The following IL1RAPL1 variants were observed in gnomAD, a reference collection of about 807,000 sequenced individuals.
IL1RAPL1 encodes the protein interleukin 1 receptor accessory protein like 1, also known as interleukin-1 receptor accessory protein-like 1.
A neutral mutation model predicts 48.4 loss-of-function variants in IL1RAPL1; 3 were observed. That is an observed-to-expected ratio of 0.06 (90% CI 0.03 to 0.16). The LOEUF (loss-of-function observed/expected upper bound fraction) is 0.16, where lower values mean the gene tolerates loss of function less well. IL1RAPL1 is among the 10% of genes least tolerant of loss of function. The pLI is 1.00. For synonymous variants in IL1RAPL1, 185 were observed against 187.7 expected (o/e 0.99, Z 0.12); for missense variants, 349 against 530.6 (o/e 0.66, Z 3.36).
At chrX:29,932,382 G>A (rs1027846328) in intron 8 of IL1RAPL1, among the ~76,000 whole-genome samples, 7 of 112,121 alleles carry the variant, frequency 6.2e-5, no homozygotes, top group African/African-American at 1.3e-4. Context: ...CTAACTTTGC[G>A]AAACCTGGTT....
chrX:29,123,180 C>A (rs993437749), intron 2 of IL1RAPL1, among the ~76,000 whole-genome samples: 1 of 109,868 alleles, frequency 9.1e-6, no homozygotes, highest in Non-Finnish European at 1.9e-5. Flanking sequence ...CAAGTGCCTG[C>A]CCCCACACCC....
At chrX:29,773,507 C>G (rs749773028) in intron 6 of IL1RAPL1, among the ~76,000 whole-genome samples, 1 of 112,408 alleles carries the variant, frequency 8.9e-6, no homozygotes, top group Non-Finnish European at 1.9e-5. Flanking sequence ...CAACTACATA[C>G]GAAAGAGTTT....
intron 2 of IL1RAPL1, among the ~76,000 whole-genome samples, chrX:28,845,970 A>G (rs2147294319): frequency 8.9e-6 from 1 of 112,008 alleles, no homozygotes; most frequent in African/African-American, 3.2e-5. Context: ...AGTTTTCACT[A>G]GAATTCACTC....
chrX:29,309,810 A>T (rs1353416937), intron 3 of IL1RAPL1, among the ~76,000 whole-genome samples: 3 of 96,739 alleles, frequency 3.1e-5, no homozygotes, highest in African/African-American at 1.2e-4. Flanking sequence ...CTAAAAAAAA[A>T]ACTGGCCAGG....
chrX:29,176,985 T>G (rs2147517518), intron 2 of IL1RAPL1, among the ~76,000 whole-genome samples: 1 of 111,595 alleles, frequency 9.0e-6, no homozygotes, highest in East Asian at 2.8e-4. Context: ...TGATACTTCC[T>G]GACTCATCAG....
At chrX:29,881,470 A>C (rs1028490071) in intron 6 of IL1RAPL1, among the ~76,000 whole-genome samples, 2 of 110,906 alleles carry the variant, frequency 1.8e-5, no homozygotes, top group Non-Finnish European at 3.8e-5. Flanking sequence ...GTTTTACCTT[A>C]CCTTTTGCTA....
chrX:29,268,585 C>T (rs1217253888), intron 2 of IL1RAPL1, among the ~76,000 whole-genome samples: 2 of 112,221 alleles, frequency 1.8e-5, no homozygotes, highest in East Asian at 2.8e-4. Flanking sequence ...AGCCACCACA[C>T]AGCCTTGGTT....
intron 2 of IL1RAPL1, among the ~76,000 whole-genome samples, chrX:29,262,268 A>G (rs190637770): frequency 3.4e-4 from 38 of 112,416 alleles, no homozygotes; most frequent in Admixed American, 1.2e-3. Context: ...GAGTGAAATA[A>G]TGAGTTTATT....
At chrX:29,100,137 G>A (rs958603464) in intron 2 of IL1RAPL1, among the ~76,000 whole-genome samples, 5 of 111,250 alleles carry the variant, frequency 4.5e-5, no homozygotes, top group African/African-American at 9.8e-5. Flanking sequence ...ACTTGAACCC[G>A]GGAGGTGGAG....
At chrX:29,832,687 T>A (rs1161053382) in intron 6 of IL1RAPL1, among the ~76,000 whole-genome samples, 1 of 106,389 alleles carries the variant, frequency 9.4e-6, no homozygotes, top group Admixed American at 1.0e-4. Flanking sequence ...CCTCTGTAAA[T>A]GCTGTTTTTT....
chrX:28,910,597 T>G (rs1221647669), intron 2 of IL1RAPL1, among the ~76,000 whole-genome samples: 1 of 108,238 alleles, frequency 9.2e-6, no homozygotes, highest in Non-Finnish European at 1.9e-5. Flanking sequence ...AAAAAAAACG[T>G]TTTGTAAAGC....
At chrX:28,680,610 T>C (rs137993112) in intron 1 of IL1RAPL1, among the ~76,000 whole-genome samples, 2 of 111,813 alleles carry the variant, frequency 1.8e-5, no homozygotes, top group African/African-American at 6.5e-5. Flanking sequence ...GTCTTTATTA[T>C]GTTGAAGTCA....
chrX:29,634,392 A>G (rs1227658172), intron 5 of IL1RAPL1, among the ~76,000 whole-genome samples: 1 of 111,911 alleles, frequency 8.9e-6, no homozygotes, highest in Non-Finnish European at 1.9e-5. Context: ...GAGAGGAGTC[A>G]AAGTGGCTCT....
At chrX:29,428,271 G>C (rs1408389110) in intron 5 of IL1RAPL1, among the ~76,000 whole-genome samples, 1 of 112,139 alleles carries the variant, frequency 8.9e-6, no homozygotes, top group East Asian at 2.8e-4. Context: ...ACTCTAGTAA[G>C]TATGTGGTTT....
chrX:29,891,707 C>T (rs1932278041), intron 6 of IL1RAPL1, among the ~76,000 whole-genome samples: 1 of 111,285 alleles, frequency 9.0e-6, no homozygotes, highest in Non-Finnish European at 1.9e-5. Flanking sequence ...TGATGAATTG[C>T]AACACCTAGG....
chrX:28,712,246 T>C (rs1295159104), intron 1 of IL1RAPL1, among the ~76,000 whole-genome samples: 12 of 111,140 alleles, frequency 1.1e-4, no homozygotes, highest in African/African-American at 3.9e-4. Flanking sequence ...AGGCTGTCAT[T>C]AGGAAGATTG....
intron 1 of IL1RAPL1, among the ~76,000 whole-genome samples, chrX:28,696,102 A>T (rs987790959): frequency 1.3e-4 from 14 of 111,726 alleles, no homozygotes; most frequent in Admixed American, 7.6e-4. Flanking sequence ...ATTTATCGCT[A>T]TGTAATTATA....
intron 3 of IL1RAPL1, among the ~76,000 whole-genome samples, chrX:29,333,978 AC>A (rs1191378866): frequency 7.9e-5 from 2 of 25,280 alleles, no homozygotes; most frequent in African/African-American, 1.7e-4. Flanking sequence ...CGGGGGGCTG[AC>A]CCCCCCACCT....
chrX:29,039,775 T>C (rs1255289892), intron 2 of IL1RAPL1, among the ~76,000 whole-genome samples: 1 of 43,089 alleles, frequency 2.3e-5, no homozygotes, highest in Admixed American at 3.7e-4. Flanking sequence ...GTCCAAGAAG[T>C]AACAATCCTC....
Sources: gnomAD v4.1 joint callset for allele counts (sites outside exome capture counted in the v4.1 genomes callset) on GRCh38, gnomAD v4.1.1 for gene constraint, MANE v1.5 for transcripts, NCBI Gene and HGNC (gene_info 2026-07-23, HGNC 2026-07-21) for gene names.